Variants in SGSM1 observed in about 807,000 individuals in gnomAD.
The protein encoded by SGSM1 is RUN and TBC1 domain containing 2.
A neutral mutation model predicts 133.8 loss-of-function variants in SGSM1; 73 were observed. The ratio of observed to expected loss-of-function variants is 0.55; its 90% CI spans 0.45 to 0.66. SGSM1 has a LOEUF of 0.66. Among genes scored for constraint, SGSM1 ranks in the 30% least tolerant of loss-of-function variants. The pLI, the probability that SGSM1 is intolerant of heterozygous loss-of-function variation, is 0.00. For synonymous variants in SGSM1, 563 were observed against 573.0 expected (o/e 0.98, Z 0.25); for missense variants, 1,213 against 1,448.1 (o/e 0.84, Z 2.64).
At chr22:24,901,660 C>T (rs1180253207) in intron 19 of SGSM1, among the ~76,000 whole-genome samples, 173 bp from the exon 20 acceptor site, 1 of 152,116 alleles carries the variant, frequency 6.6e-6, no homozygotes, top group Non-Finnish European at 1.5e-5. Flanking sequence ...TAAACACACC[C>T]TCCCAGAAAA....
At chr22:24,811,046 G>A (rs5760679) in intron 2 of SGSM1, among the ~76,000 whole-genome samples, 2 of 152,032 alleles carry the variant, frequency 1.3e-5, no homozygotes, top group African/African-American at 4.8e-5. Context: ...CAGATAAACA[G>A]TGAGTAAGTT....
At chr22:24,913,310 A>AG (rs59226335) in intron 22 of SGSM1, among the ~76,000 whole-genome samples, 1 of 146,536 alleles carries the variant, frequency 6.8e-6, no homozygotes, top group African/African-American at 2.5e-5. Flanking sequence ...AAAAAAAAAA[A>AG]GAAAGAAAAA....
At chr22:24,854,683 G>A (rs957409492) in intron 5 of SGSM1, among the ~76,000 whole-genome samples, 1 of 152,154 alleles carries the variant, frequency 6.6e-6, no homozygotes, top group Non-Finnish European at 1.5e-5. Flanking sequence ...GCCAGTGGTG[G>A]CGCATGCCTC....
chr22:24,829,208 A>G (rs1432592420), intron 2 of SGSM1, among the ~76,000 whole-genome samples: 1 of 151,970 alleles, frequency 6.6e-6, no homozygotes, highest in Non-Finnish European at 1.5e-5. Flanking sequence ...AAGAAAAAAA[A>G]AAAGTGAGAT....
intron 10 of SGSM1, among the ~76,000 whole-genome samples, chr22:24,868,153 A>T (rs1931559100): frequency 6.6e-6 from 1 of 151,960 alleles, no homozygotes. Flanking sequence ...GTTCTTCTTG[A>T]CTTTGTCCTG....
chr22:24,915,414 A>C (rs192326623), intron 22 of SGSM1, among the ~76,000 whole-genome samples: 318 of 152,304 alleles, frequency 2.1e-3, no homozygotes, highest in African/African-American at 7.0e-3. Context: ...TGATTGTACT[A>C]GTTTCTTAAT....
At chr22:24,841,799 A>G (rs371936010) in intron 2 of SGSM1, among the ~76,000 whole-genome samples, 1 of 152,186 alleles carries the variant, frequency 6.6e-6, no homozygotes, top group East Asian at 1.9e-4. Flanking sequence ...ATCTCGCTCT[A>G]TCGCCAGGCT....
chr22:24,832,866 C>T (rs1321215338), intron 2 of SGSM1, among the ~76,000 whole-genome samples: 1 of 152,098 alleles, frequency 6.6e-6, no homozygotes, highest in Non-Finnish European at 1.5e-5. Context: ...AAGCCTCCCT[C>T]CTTGGCTCAT....
rs147673261 is a variant in SGSM1 at position 24,874,600 on chromosome 22, G to T, written c.1292-1977G>T. ...CCCCAGTAATGTCTGGGATCTCCCC[G>T]TCCCCAGGGGCTGGGTGCCAGCCAC... On this transcript the variant is annotated intron_variant, in intron 12 of 24. Transcript: ENST00000400358. 2.2e-3 allele frequency: 3,510 copies of T among 1,561,412 alleles called. 48 individuals are homozygous for T. The African/African-American group carries it at 0.041, about 18-fold the overall frequency.
rs185487737 is a variant in SGSM1 at position 24,858,697 on chromosome 22, T to C, written c.802-1019T>C. Among the ~76,000 whole-genome samples, 8 of 149,772 alleles carry C rather than the reference T, an allele frequency of 5.3e-5. No homozygotes were observed. The East Asian group carries it at 1.6e-3, about 29-fold the overall frequency. On this transcript the variant is annotated intron_variant, in intron 8 of 24. Coordinates refer to ENST00000400358, the MANE Select transcript of SGSM1 (RefSeq NM_001098497.3). ...GGACTTGTGGGCTTCCCTGCAGGGA[T>C]GAATTACGTGCCTGCCTTGCCAGCA... is the stretch of plus-strand genomic sequence containing the variant.
Position 24,855,361 on chromosome 22 carries a change from T to C in SGSM1, c.600T>C (p.Leu200=). The C allele has an allele frequency of 6.2e-7, 1 of 1,613,566 alleles. No individual in the cohort carries two copies. The highest frequency in any genetic ancestry group is 8.5e-7 in the Non-Finnish European group (1 of 1,179,762). ...GGACCGATCCCTCGGCTGACGAACT[T>C]GTCCAGAGGCACCGCATCCACAGCT... is the stretch of plus-strand genomic sequence containing the variant. ...HFWTDPSADE[L]VQRHRIHSSH... is the part of the protein sequence containing the mutation. The change falls in exon 7 of 25, where the codon CTT becomes CTC. Residue 200 remains leucine (L), a synonymous_variant. Coordinates refer to ENST00000400358, the MANE Select transcript of SGSM1 (RefSeq NM_001098497.3).
At chr22:24,870,229 G>A (rs531736315) in intron 12 of SGSM1, among the ~76,000 whole-genome samples, 1 of 152,330 alleles carries the variant, frequency 6.6e-6, no homozygotes, top group South Asian at 2.1e-4. Context: ...TATCCTGGCT[G>A]GACACCAAGG....
rs1045417297 is a variant in SGSM1, at chr22:24,924,134, T to C, written c.3194-52T>C. The C allele has an allele frequency of 1.0e-5, 16 of 1,564,900 alleles. No homozygotes were observed. The African/African-American group carries it at 2.2e-4, about 21-fold the overall frequency. On this transcript the variant is annotated intron_variant, in intron 24 of 24. Transcript: ENST00000400358. The stretch of plus-strand genomic sequence containing the variant: ...GCCTCCAGGGGCTGGAATTGTACCC[T>C]AAGACTGGACACAGAAGGAGGCTCA...
chr22:24,834,189 G>A (rs964986445), intron 2 of SGSM1, among the ~76,000 whole-genome samples: 2 of 152,248 alleles, frequency 1.3e-5, no homozygotes, highest in African/African-American at 2.4e-5. Flanking sequence ...CACTGTGTAT[G>A]GGAGTTGTCA....
At chr22:24,877,039 G>A (rs1932060426) in intron 13 of SGSM1, among the ~76,000 whole-genome samples, 1 of 152,204 alleles carries the variant, frequency 6.6e-6, no homozygotes, top group Non-Finnish European at 1.5e-5. Flanking sequence ...GGGTGATGGA[G>A]CAGCTACCAT....
chr22:24,879,336 C>T (rs1363089169), intron 13 of SGSM1, 126 bp from the exon 14 acceptor site: 2 of 807,280 alleles, frequency 2.5e-6, no homozygotes, highest in Non-Finnish European at 4.0e-6. Context: ...TAGCAGCCCT[C>T]CCTACAGTCT....
intron 21 of SGSM1, among the ~76,000 whole-genome samples, chr22:24,912,083 A>G (rs1180051951): frequency 6.7e-6 from 1 of 149,012 alleles, no homozygotes; most frequent in African/African-American, 2.4e-5. Flanking sequence ...AAAAAAAACT[A>G]TCAAGGTCAT....
At position 24,927,128 on chromosome 22, in the gene SGSM1, G is replaced by T. The variant is rs1320098894; in HGVS notation, c.*2854G>T. 2 of 152,190 alleles carry T rather than the reference G, an allele frequency of 1.3e-5. No homozygotes were observed. Among genetic ancestry groups the T allele is most frequent in the African/African-American group, 4.8e-5 (2 of 41,456 alleles). The allele number at this position is 152,190 out of a possible 1,614,324, so 9.4% of individuals were successfully genotyped here. Reference sequence around the variant, plus strand: ...GGGTCAGCATCCCAGGCTAGGTTCAGCTAGGAGGTTCTTCTGTTCTCAGAC... The same window carrying T: ...GGGTCAGCATCCCAGGCTAGGTTCATCTAGGAGGTTCTTCTGTTCTCAGAC... On this transcript the variant is annotated 3_prime_UTR_variant, in exon 25 of 25. Coordinates refer to ENST00000400358, the MANE Select transcript of SGSM1 (RefSeq NM_001098497.3).
At chr22:24,845,561 G>T (rs1318006314) in intron 3 of SGSM1, among the ~76,000 whole-genome samples, 1 of 152,210 alleles carries the variant, frequency 6.6e-6, no homozygotes, top group Non-Finnish European at 1.5e-5. Context: ...ACATAGAAGT[G>T]GGAGTCTTTC....
Sources: gnomAD v4.1 joint callset for allele counts (sites outside exome capture counted in the v4.1 genomes callset) on GRCh38, gnomAD v4.1.1 for gene constraint, MANE v1.5 for transcripts, NCBI Gene and HGNC (gene_info 2026-07-23, HGNC 2026-07-21) for gene names.